Variants in EPM2A observed in about 807,000 individuals in gnomAD.
EPM2A encodes laforin.
In EPM2A, 21 loss-of-function variants were observed where a neutral mutation model predicts 26.5. That is an observed-to-expected ratio of 0.79 (90% CI 0.56 to 1.14). The LOEUF (loss-of-function observed/expected upper bound fraction) is 1.14. Ranked by LOEUF, EPM2A falls within the 50% of genes most tolerant of loss-of-function variation. The pLI is 0.00. For synonymous variants in EPM2A, 217 were observed against 177.6 expected, an observed-to-expected ratio of 1.22 and a Z score of -1.76; for missense variants, 458 against 440.8, an observed-to-expected ratio of 1.04 and a Z score of -0.35.
At chr6:145,676,380 G>A (rs1429367064) in intron 2 of EPM2A, among the ~76,000 whole-genome samples, 1 of 152,104 alleles carries the variant, frequency 6.6e-6, no homozygotes, top group African/African-American at 2.4e-5. Flanking sequence ...AGAAGCAAGA[G>A]CAAACAAATT....
intron 1 of EPM2A, among the ~76,000 whole-genome samples, chr6:145,716,829 G>A (rs1049207255): frequency 1.3e-5 from 2 of 152,152 alleles, no homozygotes; most frequent in Admixed American, 1.3e-4. Context: ...ATGGAGGATA[G>A]AGCCTGAGCA....
intron 4 of EPM2A, among the ~76,000 whole-genome samples, chr6:145,437,701 T>C (rs1361681578): frequency 6.6e-6 from 1 of 152,198 alleles, no homozygotes; most frequent in African/African-American, 2.4e-5. Context: ...TGATTCTATT[T>C]ATGTCTACAT....
downstream of EPM2A, among the ~76,000 whole-genome samples, chr6:145,624,313 C>T (rs926054998): frequency 6.6e-6 from 1 of 152,192 alleles, no homozygotes; most frequent in Non-Finnish European, 1.5e-5. Context: ...CTCGCTCTCA[C>T]CACCACAGAA....
At chr6:145,587,150 T>C (rs956438900) in intron 2 of EPM2A, among the ~76,000 whole-genome samples, 3 of 152,196 alleles carry the variant, frequency 2.0e-5, no homozygotes, top group Non-Finnish European at 4.4e-5. Flanking sequence ...AGCCATGTAA[T>C]TATAGAAGGC....
intron 2 of EPM2A, among the ~76,000 whole-genome samples, chr6:145,674,732 T>A (rs1157991450): frequency 6.6e-6 from 1 of 150,856 alleles, no homozygotes; most frequent in Non-Finnish European, 1.5e-5. Context: ...GAAGACAAGA[T>A]TAGAGAAAAA....
intron 2 of EPM2A, chr6:145,637,027 C>G (rs1478754179): frequency 1.3e-5 from 2 of 151,508 alleles, no homozygotes; most frequent in Non-Finnish European, 2.9e-5. Flanking sequence ...TGTTGGTGTA[C>G]TCATCTTTAG....
intron 1 of EPM2A, among the ~76,000 whole-genome samples, chr6:145,704,282 A>C (rs1782093317): frequency 6.6e-6 from 1 of 152,214 alleles, no homozygotes; most frequent in Admixed American, 6.5e-5. Flanking sequence ...TTGGGAAACA[A>C]TGAGGTACTT....
chr6:145,669,908 C>T (rs1316978761), intron 2 of EPM2A, among the ~76,000 whole-genome samples: 2 of 152,124 alleles, frequency 1.3e-5, no homozygotes, highest in Non-Finnish European at 2.9e-5. Context: ...TTCTCATTAT[C>T]GTCTGATGAC....
At chr6:145,460,874 A>G (rs1779321463) in intron 4 of EPM2A, among the ~76,000 whole-genome samples, 2 of 150,582 alleles carry the variant, frequency 1.3e-5, no homozygotes, top group African/African-American at 5.0e-5. Context: ...AAATCTAGAC[A>G]TATTCTCTTA....
intron 4 of EPM2A, among the ~76,000 whole-genome samples, chr6:145,397,193 G>A (rs1204201534): frequency 6.6e-6 from 1 of 152,132 alleles, no homozygotes; most frequent in Non-Finnish European, 1.5e-5. Context: ...CACTTTGGGA[G>A]GTCAAGACAG....
chr6:145,418,045 T>C (rs749047850), intron 4 of EPM2A, among the ~76,000 whole-genome samples: 2 of 152,148 alleles, frequency 1.3e-5, no homozygotes, highest in Non-Finnish European at 2.9e-5. Context: ...TTCCAGTCTC[T>C]GGTGACTTCA....
chr6:145,434,617 G>A (rs1778964827), intron 4 of EPM2A, among the ~76,000 whole-genome samples: 1 of 151,924 alleles, frequency 6.6e-6, no homozygotes, highest in Non-Finnish European at 1.5e-5. Context: ...TTTTTTAGTT[G>A]AGATATAATT....
chr6:145,615,102 A>G (rs1562403421), intron 2 of EPM2A, among the ~76,000 whole-genome samples: 3 of 152,166 alleles, frequency 2.0e-5, no homozygotes, highest in Admixed American at 2.0e-4. Flanking sequence ...AGGGTTGAAT[A>G]CATGCAATTT....
chr6:145,527,576 T>G (rs565805318), intron 2 of EPM2A, among the ~76,000 whole-genome samples: 5 of 152,140 alleles, frequency 3.3e-5, no homozygotes, highest in Admixed American at 3.3e-4. Flanking sequence ...TAAAGTCTTT[T>G]GGTTGCTATT....
intron 2 of EPM2A, among the ~76,000 whole-genome samples, chr6:145,580,007 T>C (rs1437981589): frequency 6.6e-6 from 1 of 152,192 alleles, no homozygotes; most frequent in Non-Finnish European, 1.5e-5. Context: ...GCTTTGTACA[T>C]TAACATAGAT....
chr6:145,542,001 T>C lies in EPM2A; in HGVS notation c.341-39426A>G, dbSNP rs143138189. Among the ~76,000 whole-genome samples the C allele has an allele frequency of 2.7e-3, 405 of 151,652 alleles. 6 individuals carry two copies. The highest frequency in any genetic ancestry group is 9.3e-3 in the African/African-American group (387 of 41,404). ...AAAAAAAGAGGCAAGGCTTCTCAAA[T>C]AAAGCATAGAATTGTTTGAAAGGAA... On this transcript the variant is annotated intron_variant, in intron 2 of 3. Transcript: ENST00000450221.
intron 2 of EPM2A, among the ~76,000 whole-genome samples, chr6:145,512,011 A>G (rs906522669): frequency 2.6e-5 from 4 of 152,236 alleles, no homozygotes; most frequent in African/African-American, 9.6e-5. Context: ...GCCATTTACA[A>G]CAGCCAGAAT....
intron 1 of EPM2A, among the ~76,000 whole-genome samples, chr6:145,691,690 C>T (rs1220068106): frequency 6.6e-6 from 1 of 151,914 alleles, no homozygotes; most frequent in Non-Finnish European, 1.5e-5. Context: ...CACTCAAACT[C>T]GTAAAAGGTT....
downstream of EPM2A, among the ~76,000 whole-genome samples, chr6:145,620,562 C>T (rs539518423): frequency 1.3e-5 from 2 of 152,302 alleles, no homozygotes; most frequent in Admixed American, 1.3e-4. Context: ...TATAATTCCA[C>T]TTTTAACCAT....
Sources: gnomAD v4.1 joint callset for allele counts (sites outside exome capture counted in the v4.1 genomes callset) on GRCh38, gnomAD v4.1.1 for gene constraint, MANE v1.5 for transcripts, NCBI Gene and HGNC (gene_info 2026-07-23, HGNC 2026-07-21) for gene names.